POLD3: variants seen among roughly 807,000 people sequenced by gnomAD.
POLD3 encodes the protein DNA polymerase delta subunit 3.
Under a neutral mutation model 58.2 loss-of-function variants are expected in POLD3, and 19 were observed. The ratio of observed to expected loss-of-function variants is 0.33; its 90% confidence interval spans 0.23 to 0.48. POLD3 has a LOEUF of 0.48. Among genes scored for constraint, POLD3 ranks in the 20% least tolerant of loss-of-function variants. The probability of loss-of-function intolerance (pLI) is 0.99; values close to 1 mark genes in which losing one functional copy is unlikely to be tolerated. For synonymous variants in POLD3, 172 were observed against 193.5 expected (o/e 0.89, Z 0.92); for missense variants, 504 against 545.5 (o/e 0.92, Z 0.76).
chr11:74,652,066 A>T (rs1286920302), intron 4 of POLD3, among the ~76,000 whole-genome samples: 2 of 152,200 alleles, frequency 1.3e-5, no homozygotes, highest in Non-Finnish European at 2.9e-5. Context: ...CTAAAATTTT[A>T]GTCTACTTTT....
chr11:74,645,153 A>G (rs2032983677), downstream of POLD3, among the ~76,000 whole-genome samples: 1 of 152,228 alleles, frequency 6.6e-6, no homozygotes, highest in Non-Finnish European at 1.5e-5. Flanking sequence ...GATAATCATT[A>G]TGGGCAAAAT....
intron 3 of POLD3, 109 bp from the exon 4 acceptor site, chr11:74,611,390 C>T: frequency 1.5e-6 from 1 of 687,212 alleles, no homozygotes. Context: ...TTAAGGAGTG[C>T]CTGGTGTTTT....
chr11:74,603,696 A>G (rs1217838868), intron 2 of POLD3, among the ~76,000 whole-genome samples: 1 of 152,166 alleles, frequency 6.6e-6, no homozygotes, highest in Non-Finnish European at 1.5e-5. Flanking sequence ...GGGGTAGCAG[A>G]AGACTCAGTG....
At chr11:74,616,548 A>G (rs2032084765) in intron 5 of POLD3, among the ~76,000 whole-genome samples, 1 of 152,232 alleles carries the variant, frequency 6.6e-6, no homozygotes, top group Admixed American at 6.5e-5. Flanking sequence ...GTGAAATAAA[A>G]CATTACTCTT....
Position 74,604,783 on chromosome 11 carries a change from A to C in POLD3, c.208A>C (p.Asn70His). ...CTTGGTGTCTGGCAGTCTCATTCAG[A>C]ATGGACATTCCGTAAGTTCTCAGAG... ...TYLVSGSLIQ[N>H]GHSCHKVAVV... The change falls in exon 3 of 12, where the codon AAT (asparagine) becomes CAT (histidine). Residue 70 changes from asparagine to histidine, a missense_variant. Asn to His is a moderately conservative substitution (Grantham distance 68). Around this residue, in one of 2 missense-constraint regions of POLD3, gnomAD observed 119 missense variants for 175.0 expected, o/e 0.68. Transcript: ENST00000263681. The C allele has an allele frequency of 6.3e-7, 1 of 1,581,986 alleles. No individual in the cohort carries two copies. The highest frequency in any genetic ancestry group is 1.3e-5 in the African/African-American group (1 of 74,472).
downstream of POLD3, among the ~76,000 whole-genome samples, chr11:74,644,910 A>G (rs2032980351): frequency 6.6e-6 from 1 of 152,268 alleles, no homozygotes; most frequent in African/African-American, 2.4e-5. Context: ...GCTCTTGAAG[A>G]ATGGAAAAAC....
intron 2 of POLD3, among the ~76,000 whole-genome samples, chr11:74,594,818 G>A (rs1175801780): frequency 2.0e-5 from 3 of 152,116 alleles, no homozygotes; most frequent in East Asian, 1.9e-4. Flanking sequence ...AGTGTCGAGC[G>A]AAGGGGGAAG....
chr11:74,613,759 A>T (rs192582946), intron 5 of POLD3, among the ~76,000 whole-genome samples: 49 of 152,332 alleles, frequency 3.2e-4, no homozygotes, highest in African/African-American at 1.1e-3. Flanking sequence ...CATACCATAC[A>T]GTATAGAGTG....
intron 2 of POLD3, among the ~76,000 whole-genome samples, chr11:74,603,078 TG>T (rs1171024114): frequency 2.0e-5 from 3 of 152,254 alleles, no homozygotes; most frequent in African/African-American, 7.2e-5. Flanking sequence ...ATGTTTATTG[TG>T]TGTCTCCTTT....
intron 4 of POLD3, among the ~76,000 whole-genome samples, chr11:74,654,481 T>C (rs1036641175): frequency 2.6e-5 from 4 of 152,206 alleles, no homozygotes; most frequent in African/African-American, 9.7e-5. Flanking sequence ...TGAGCAGGAC[T>C]TCTGGAATGA....
At chr11:74,668,019 C>G (rs2033293584) in intron 4 of POLD3, among the ~76,000 whole-genome samples, 1 of 152,150 alleles carries the variant, frequency 6.6e-6, no homozygotes, top group Admixed American at 6.5e-5. Flanking sequence ...AAATCAAAAT[C>G]TCAATGAGAA....
intron 5 of POLD3, 41 bp downstream of exon 5, chr11:74,613,051 G>C (rs1236962251): frequency 2.5e-6 from 4 of 1,572,404 alleles, no homozygotes; most frequent in Non-Finnish European, 3.5e-6. Context: ...TTTACGAATT[G>C]ATTTTGTAAG....
At chr11:74,654,615 G>A (rs970419035) in intron 4 of POLD3, among the ~76,000 whole-genome samples, 1 of 152,172 alleles carries the variant, frequency 6.6e-6, no homozygotes, top group Non-Finnish European at 1.5e-5. Context: ...AGTAAAAATA[G>A]TGGGAGTCTG....
intron 4 of POLD3, among the ~76,000 whole-genome samples, chr11:74,650,891 C>T (rs1442114808): frequency 1.3e-5 from 2 of 152,212 alleles, no homozygotes; most frequent in East Asian, 3.9e-4. Flanking sequence ...ATGAGGGTTT[C>T]ACCCCACCAA....
At chr11:74,629,357 T>C (rs753575648) in intron 9 of POLD3, 34 bp downstream of exon 9, 1 of 1,190,636 alleles carries the variant, frequency 8.4e-7, no homozygotes, top group South Asian at 1.3e-5. Context: ...GTTAGGGGGA[T>C]CAATTTTACT....
chr11:74,647,496 C>T (rs190407067), downstream of POLD3, among the ~76,000 whole-genome samples: 33 of 152,320 alleles, frequency 2.2e-4, no homozygotes, highest in East Asian at 5.8e-3. Flanking sequence ...TGTACCAGGG[C>T]TAGAACCTAG....
At chr11:74,604,363 A>C (rs995250278) in intron 2 of POLD3, among the ~76,000 whole-genome samples, 1 of 152,154 alleles carries the variant, frequency 6.6e-6, no homozygotes. Flanking sequence ...ACAGTTACCA[A>C]ACTACTTCTT....
At chr11:74,602,212 G>C (rs2135121563) in intron 2 of POLD3, among the ~76,000 whole-genome samples, 1 of 152,156 alleles carries the variant, frequency 6.6e-6, no homozygotes, top group East Asian at 1.9e-4. Flanking sequence ...CCTGAGAGCT[G>C]GGATTACAGG....
At chr11:74,667,529 C>CAAAAAAAAAA (rs1303701288) in intron 4 of POLD3, among the ~76,000 whole-genome samples, 2 of 150,706 alleles carry the variant, frequency 1.3e-5, no homozygotes, top group African/African-American at 2.4e-5. Flanking sequence ...GACTCCGTCT[C>CAAAAAAAAAA]AAAAAAAAGG....
Sources: allele counts gnomAD v4.1 joint callset (sites outside exome capture counted in the v4.1 genomes callset), GRCh38; gene constraint gnomAD v4.1.1; regional missense constraint gnomAD v4.1.1; transcripts MANE v1.5; gene names NCBI Gene and HGNC (gene_info 2026-07-23, HGNC 2026-07-21).